Variants in INTS13 observed in about 807,000 individuals in gnomAD.
INTS13 encodes asunder, spermatogenesis regulator homolog (Drosphila).
INTS13 carries 35 observed loss-of-function variants against 90.2 expected under a neutral mutation model. That is an observed-to-expected ratio of 0.39 (90% CI 0.30 to 0.51). The LOEUF (loss-of-function observed/expected upper bound fraction) is 0.51, where lower values mean the gene tolerates loss of function less well. Among genes scored for constraint, INTS13 ranks in the 20% least tolerant of loss-of-function variants. INTS13 has a pLI of 0.80. For synonymous variants in INTS13, 309 were observed against 277.1 expected, an observed-to-expected ratio of 1.11 and a Z score of -1.14; for missense variants, 601 against 851.2, an observed-to-expected ratio of 0.71 and a Z score of 3.66.
At chr12:26,908,732 G>A (rs987171381) in intron 15 of INTS13, among the ~76,000 whole-genome samples, 1 of 152,018 alleles carries the variant, frequency 6.6e-6, no homozygotes, top group African/African-American at 2.4e-5. Flanking sequence ...ATCAGTTGCT[G>A]ATCAGAAGAG....
rs376399100 is a variant in INTS13, at chr12:26,908,385, T to C, written c.1946-1948A>G. ...TATTTTAAAATTCTTAGTTTTCTTA[T>C]TATAAAACTAATGCATGTTCATGAG... On this transcript the variant is annotated intron_variant, in intron 15 of 16. Transcript: ENST00000261191. Among the ~76,000 whole-genome samples, 9 of 152,314 alleles carry C rather than the reference T, an allele frequency of 5.9e-5. No individual in the cohort carries two copies. The East Asian group carries it at 7.7e-4, about 13-fold the overall frequency.
upstream of INTS13, chr12:26,938,104 G>C (rs1334716136): frequency 6.6e-6 from 1 of 152,658 alleles, no homozygotes; most frequent in East Asian, 1.9e-4. Context: ...TCGCCGAACA[G>C]GAAGAGGGCG....
intron 14 of INTS13, among the ~76,000 whole-genome samples, chr12:26,912,418 T>A (rs867951231): frequency 3.3e-5 from 5 of 152,090 alleles, no homozygotes; most frequent in African/African-American, 1.2e-4. Context: ...GCCTGGGTGA[T>A]AGAGCGAGAC....
chr12:26,915,411 T>A (rs79634887), intron 11 of INTS13, among the ~76,000 whole-genome samples: 6,007 of 152,224 alleles, frequency 0.039, 162 homozygotes, highest in African/African-American at 0.07. Context: ...TTATGTTTTT[T>A]AAAAAAATCC....
At position 26,936,740 on chromosome 12, in the gene INTS13, C is replaced by G; in HGVS notation, c.64G>C (p.Glu22Gln). The G allele has an allele frequency of 6.2e-7, 1 of 1,614,126 alleles. No individual in the cohort carries two copies. The highest frequency in any genetic ancestry group is 1.1e-5 in the South Asian group (1 of 91,080). Residue 22 changes from glutamate (E) to glutamine (Q), a missense_variant, in exon 2 of 17, where the codon GAA (glutamate) becomes CAA (glutamine). By Grantham distance (29) the Glu-to-Gln change is conservative. This residue lies in a region of INTS13 where 284 missense variants were observed against 387.7 expected (regional missense o/e 0.73). Coordinates refer to ENST00000261191, the MANE Select transcript of INTS13 (RefSeq NM_018164.3). ...AACTCGACATGCTGCCTGCAAGATT[C>G]TGCCATATAAGGGCAGTGATCCACA... is the stretch of plus-strand genomic sequence containing the variant. ...FVVDHCPYMA[E>Q]SCRQHVEFDM...
At chr12:26,915,422 T>C (rs1951903609) in intron 11 of INTS13, among the ~76,000 whole-genome samples, 1 of 152,304 alleles carries the variant, frequency 6.6e-6, no homozygotes, top group African/African-American at 2.4e-5. Context: ...AAAAAAATCC[T>C]AATTAAAAAG....
chr12:26,908,670 T>G (rs1028305303), intron 15 of INTS13, among the ~76,000 whole-genome samples: 1 of 152,048 alleles, frequency 6.6e-6, no homozygotes, highest in African/African-American at 2.4e-5. Context: ...TGGGGAGGCC[T>G]GGAAAGTCAT....
At chr12:26,907,701 T>C (rs1019014742) in intron 15 of INTS13, among the ~76,000 whole-genome samples, 1 of 152,220 alleles carries the variant, frequency 6.6e-6, no homozygotes, top group Admixed American at 6.5e-5. Flanking sequence ...ACAGAACTTG[T>C]ATCCAGATAA....
At chr12:26,925,660 T>G in intron 6 of INTS13, 101 bp downstream of exon 6, 2 of 985,386 alleles carry the variant, frequency 2.0e-6, no homozygotes, top group Non-Finnish European at 3.0e-6. Flanking sequence ...AATATTTTCT[T>G]GGCAGAAAAT....
rs1937658306 is a variant in INTS13 at position 26,922,781 on chromosome 12, T to C, written c.805-81A>G. 9 of 846,286 alleles carry C rather than the reference T, an allele frequency of 1.1e-5. No individual in the cohort carries two copies. The East Asian group carries it at 2.6e-4, about 24-fold the overall frequency. 52.4% of individuals were successfully genotyped at this position (846,286 alleles called of 1,614,324 possible). On this transcript the variant is annotated intron_variant, in intron 7 of 16. Transcript: ENST00000261191. ...AAATTATTAATTATTCATTTGCTTT[T>C]TGTTTAAAATGAGGGCAAATACATT...
chr12:26,933,964 T>A (rs935394034), intron 3 of INTS13, among the ~76,000 whole-genome samples: 5 of 152,252 alleles, frequency 3.3e-5, no homozygotes, highest in Non-Finnish European at 5.9e-5. Context: ...TTTACGTAGA[T>A]GTTATAATGC....
At position 26,906,314 on chromosome 12, in the gene INTS13, T is replaced by C; in HGVS notation, c.2069A>G (p.Lys690Arg). Residue 690 changes from lysine (K) to arginine (R), a missense_variant, in exon 16 of 17, where the codon AAA (lysine) becomes AGA (arginine). Around this residue, in one of 3 missense-constraint regions of INTS13, gnomAD observed 228 missense variants for 272.5 expected, o/e 0.84. Coordinates refer to ENST00000261191, the MANE Select transcript of INTS13 (RefSeq NM_018164.3). ...AAGTAACACAAACCCATTTTCCTCT[T>C]TAAGATGTTGATATAGTTCAGCTCT... ...NNRAELYQHL[K>R]EENGMETTEN... is the part of the protein sequence containing the mutation. 1.2e-6 allele frequency: 2 copies of C among 1,603,940 alleles called. No individual in the cohort carries two copies. Among genetic ancestry groups the C allele is most frequent in the Non-Finnish European group, 1.7e-6 (2 of 1,176,022 alleles).
chr12:26,922,813 T>C, intron 7 of INTS13, 113 bp from the exon 8 acceptor site: 3 of 566,212 alleles, frequency 5.3e-6, no homozygotes, highest in East Asian at 3.1e-5. Context: ...CATTCAATAA[T>C]AATTAGCTAA....
chr12:26,913,358 G>T (rs540462648), intron 14 of INTS13, 99 bp downstream of exon 14: 2 of 778,794 alleles, frequency 2.6e-6, no homozygotes, highest in Admixed American at 2.3e-5. Flanking sequence ...TGTATTAAAT[G>T]AACTACTATT....
intron 3 of INTS13, among the ~76,000 whole-genome samples, chr12:26,932,099 A>AC (rs1038957829): frequency 2.0e-5 from 3 of 151,764 alleles, no homozygotes; most frequent in African/African-American, 7.3e-5. Context: ...AAAAAAAAAA[A>AC]AAAAAACACT....
intron 8 of INTS13, among the ~76,000 whole-genome samples, chr12:26,918,433 T>C (rs1184853987): frequency 2.0e-5 from 3 of 152,242 alleles, no homozygotes; most frequent in Non-Finnish European, 4.4e-5. Flanking sequence ...ATATTATCTA[T>C]GATTAAAATA....
At chr12:26,920,132 A>AC (rs1952067271) in intron 8 of INTS13, among the ~76,000 whole-genome samples, 1 of 150,894 alleles carries the variant, frequency 6.6e-6, no homozygotes, top group Non-Finnish European at 1.5e-5. Context: ...TGTCTCAAAA[A>AC]AAAAAAAAGA....
At chr12:26,911,501 G>T (rs1051152644) in intron 14 of INTS13, among the ~76,000 whole-genome samples, 184 bp from the exon 15 acceptor site, 3 of 151,884 alleles carry the variant, frequency 2.0e-5, no homozygotes, top group African/African-American at 7.3e-5. Context: ...TTAAATACAA[G>T]TTTCCCTTTT....
At chr12:26,925,405 T>C (rs1009327875) in intron 6 of INTS13, among the ~76,000 whole-genome samples, 6 of 152,258 alleles carry the variant, frequency 3.9e-5, no homozygotes, top group African/African-American at 1.2e-4. Context: ...TAATTTTTTA[T>C]TGGAATATTT....
Sources: gnomAD v4.1 joint callset for allele counts (sites outside exome capture counted in the v4.1 genomes callset) on GRCh38, gnomAD v4.1.1 for gene constraint, gnomAD v4.1.1 regional missense constraint, MANE v1.5 for transcripts, NCBI Gene and HGNC (gene_info 2026-07-23, HGNC 2026-07-21) for gene names.